Variants in ARHGAP31 observed in about 807,000 individuals in gnomAD.
ARHGAP31 encodes the protein Rho GTPase activating protein 31.
In ARHGAP31, 34 loss-of-function variants were observed where a neutral mutation model predicts 113.9. The ratio of observed to expected loss-of-function variants is 0.30; its 90% CI spans 0.23 to 0.40. The LOEUF (loss-of-function observed/expected upper bound fraction) is 0.40, where lower values mean the gene tolerates loss of function less well. Among genes scored for constraint, ARHGAP31 ranks in the 10% least tolerant of loss-of-function variants. The pLI, the probability that ARHGAP31 is intolerant of heterozygous loss-of-function variation, is 1.00. For synonymous variants in ARHGAP31, 650 were observed against 684.8 expected (o/e 0.95, Z 0.79); for missense variants, 1,548 against 1,767.1 (o/e 0.88, Z 2.22).
At chr3:119,331,349 T>C (rs1322092860) in intron 1 of ARHGAP31, among the ~76,000 whole-genome samples, 4 of 152,332 alleles carry the variant, frequency 2.6e-5, no homozygotes, top group South Asian at 2.1e-4. Flanking sequence ...TCTGTGTGTA[T>C]GTAGAGTATA....
Position 119,341,324 on chromosome 3 carries a change from C to T in ARHGAP31, c.101-23992C>T, listed in dbSNP as rs781478086. On this transcript the variant is annotated intron_variant, in intron 1 of 11. Coordinates refer to ENST00000264245, the MANE Select transcript of ARHGAP31 (RefSeq NM_020754.4). ...GACATTCATGGTTGTCTTAAGCTGG[C>T]GTTGCTGTTGCTGATGATAATAATA... is the stretch of plus-strand genomic sequence containing the variant. 4.6e-5 allele frequency among the ~76,000 whole-genome samples: 7 copies of T among 152,144 alleles called. No individual in the cohort carries two copies. In the South Asian group the frequency reaches 1.2e-3, roughly 27 times the overall value.
At chr3:119,369,983 G>A (rs1372107296) in intron 3 of ARHGAP31, among the ~76,000 whole-genome samples, 1 of 151,986 alleles carries the variant, frequency 6.6e-6, no homozygotes, top group African/African-American at 2.4e-5. Flanking sequence ...GAAAAAAATA[G>A]TCCAAAGCAC....
chr3:119,395,749 A>T (rs1382639554), intron 8 of ARHGAP31, among the ~76,000 whole-genome samples: 1 of 152,192 alleles, frequency 6.6e-6, no homozygotes, highest in African/African-American at 2.4e-5. Context: ...GAGGAATGGG[A>T]CTTACACCCA....
At chr3:119,305,198 G>A (rs1334917911) in intron 1 of ARHGAP31, among the ~76,000 whole-genome samples, 1 of 152,122 alleles carries the variant, frequency 6.6e-6, no homozygotes, top group African/African-American at 2.4e-5. Context: ...TTGACCCAAC[G>A]AGACACAGCT....
At chr3:119,335,440 TAAC>T (rs2079935165) in intron 1 of ARHGAP31, among the ~76,000 whole-genome samples, 1 of 152,232 alleles carries the variant, frequency 6.6e-6, no homozygotes, top group African/African-American at 2.4e-5. Flanking sequence ...TGGAGAACCC[TAAC>T]CCCGGTCCTC....
intron 1 of ARHGAP31, among the ~76,000 whole-genome samples, chr3:119,336,869 T>C (rs764027575): frequency 6.6e-6 from 1 of 152,352 alleles, no homozygotes; most frequent in East Asian, 1.9e-4. Context: ...TTTCTATCTT[T>C]ACAGATTTGT....
intron 7 of ARHGAP31, among the ~76,000 whole-genome samples, chr3:119,391,382 T>C (rs552013396): frequency 9.9e-5 from 15 of 151,964 alleles, no homozygotes; most frequent in Non-Finnish European, 2.1e-4. Context: ...CACGTGACGA[T>C]ACAAAAAGCA....
chr3:119,402,373 C>A lies in ARHGAP31; in HGVS notation c.1621C>A (p.Pro541Thr). 1 of 1,613,492 alleles carries A rather than the reference C, an allele frequency of 6.2e-7. No homozygotes were observed. Among genetic ancestry groups the A allele is most frequent in the South Asian group, 1.1e-5 (1 of 91,084 alleles). Reference sequence around the variant, plus strand: ...CGGAGGCTGGCCAGAAGAAGAGAAACCGCTGGGAGCTGAGACTTCTGCAGG... The same window carrying A: ...CGGAGGCTGGCCAGAAGAAGAGAAAACGCTGGGAGCTGAGACTTCTGCAGG... ...ESGGWPEEEK[P>T]LGAETSAASV... The change falls in exon 10 of 12, where the codon CCG (proline) becomes ACG (threonine). Residue 541 changes from proline to threonine, a missense_variant. Transcript: ENST00000264245.
rs532221972 is a variant in ARHGAP31, at chr3:119,321,025, A to C, written c.100+26021A>C. 3.9e-5 allele frequency among the ~76,000 whole-genome samples: 6 copies of C among 152,236 alleles called. No homozygotes were observed. In the South Asian group the frequency reaches 1.0e-3, roughly 26 times the overall value. On this transcript the variant is annotated intron_variant, in intron 1 of 11. Coordinates refer to ENST00000264245, the MANE Select transcript of ARHGAP31 (RefSeq NM_020754.4). The stretch of plus-strand genomic sequence containing the variant: ...ACCATGACTTGTGGCCTCCCCAGCC[A>C]TGTGGAACTGCAAGTTCATTAAACC...
intron 10 of ARHGAP31, among the ~76,000 whole-genome samples, chr3:119,406,032 G>T (rs1165320138): frequency 1.3e-5 from 2 of 152,194 alleles, no homozygotes; most frequent in African/African-American, 4.8e-5. Flanking sequence ...CTTGAGGAAT[G>T]GATTCAATTG....
At chr3:119,321,883 C>T (rs1349931193) in intron 1 of ARHGAP31, among the ~76,000 whole-genome samples, 1 of 152,168 alleles carries the variant, frequency 6.6e-6, no homozygotes, top group Non-Finnish European at 1.5e-5. Flanking sequence ...GAACTTCTGA[C>T]CTCGGGTGAT....
intron 1 of ARHGAP31, among the ~76,000 whole-genome samples, chr3:119,358,015 T>G (rs1400577411): frequency 6.6e-6 from 1 of 152,142 alleles, no homozygotes; most frequent in African/African-American, 2.4e-5. Context: ...AAAACATAGA[T>G]AAATTGGACT....
chr3:119,295,451 T>C (rs1343981837), intron 1 of ARHGAP31, among the ~76,000 whole-genome samples: 4 of 131,726 alleles, frequency 3.0e-5, no homozygotes, highest in Non-Finnish European at 6.2e-5. Context: ...TCTGCTCACA[T>C]CTTTTTTTAT....
At chr3:119,350,350 G>A (rs1055655953) in intron 1 of ARHGAP31, among the ~76,000 whole-genome samples, 10 of 152,192 alleles carry the variant, frequency 6.6e-5, no homozygotes, top group African/African-American at 1.9e-4. Flanking sequence ...CTGGGGCACA[G>A]CGAGGAACTG....
At chr3:119,377,687 G>A (rs143770957) in intron 3 of ARHGAP31, among the ~76,000 whole-genome samples, 8 of 151,984 alleles carry the variant, frequency 5.3e-5, no homozygotes, top group African/African-American at 1.9e-4. Context: ...ACACACAGTG[G>A]TTCCTCTGGA....
rs527763849 is a variant in ARHGAP31 at position 119,331,035 on chromosome 3, G to A, written c.101-34281G>A. 1.6e-4 allele frequency among the ~76,000 whole-genome samples: 24 copies of A among 152,284 alleles called. No homozygotes were observed. The South Asian group carries it at 3.5e-3, about 22-fold the overall frequency. On this transcript the variant is annotated intron_variant, in intron 1 of 11. Coordinates refer to ENST00000264245, the MANE Select transcript of ARHGAP31 (RefSeq NM_020754.4). ...GGAGGTGGCATGGCTAGTGGTGGGA[G>A]TGAGGTTGTTTATAATCTTTCAGAT...
chr3:119,389,116 G>A (rs1165984004), intron 6 of ARHGAP31, among the ~76,000 whole-genome samples: 1 of 152,100 alleles, frequency 6.6e-6, no homozygotes, highest in Non-Finnish European at 1.5e-5. Flanking sequence ...AGCCGAGATT[G>A]CACCACTGCA....
intron 1 of ARHGAP31, among the ~76,000 whole-genome samples, chr3:119,342,522 G>A (rs2080017436): frequency 6.6e-6 from 1 of 152,160 alleles, no homozygotes. Flanking sequence ...AAGGATGACT[G>A]CCCCCAAAAC....
intron 1 of ARHGAP31, among the ~76,000 whole-genome samples, chr3:119,297,655 C>A (rs2079544560): frequency 2.6e-5 from 4 of 152,270 alleles, no homozygotes. Context: ...GAGCTATGCT[C>A]AGGGCATCTG....
Sources: gnomAD v4.1 joint callset for allele counts (sites outside exome capture counted in the v4.1 genomes callset) on GRCh38, gnomAD v4.1.1 for gene constraint, MANE v1.5 for transcripts, NCBI Gene and HGNC (gene_info 2026-07-23, HGNC 2026-07-21) for gene names.